The following LSAMP variants were observed in gnomAD, a reference collection of about 807,000 sequenced individuals.
LSAMP encodes limbic system-associated membrane protein.
A neutral mutation model predicts 38.6 loss-of-function variants in LSAMP; 7 were observed. That is an observed-to-expected ratio of 0.18 (90% CI 0.10 to 0.34). The LOEUF (loss-of-function observed/expected upper bound fraction) is 0.34, where lower values mean the gene tolerates loss of function less well. Among genes scored for constraint, LSAMP ranks in the 10% least tolerant of loss-of-function variants. LSAMP has a pLI of 1.00. For missense variants in LSAMP, 313 were observed against 420.0 expected (o/e 0.75, Z 2.23); for synonymous variants, 154 against 166.8 (o/e 0.92, Z 0.59).
chr3:116,203,397 A>AT (rs1553713091), intron 1 of LSAMP, among the ~76,000 whole-genome samples: 3 of 114,270 alleles, frequency 2.6e-5, no homozygotes, highest in African/African-American at 9.0e-5. Context: ...TTATTTATTT[A>AT]TTTTTTATTT....
At chr3:116,056,232 A>G (rs1941488286) in intron 2 of LSAMP, among the ~76,000 whole-genome samples, 5 of 152,206 alleles carry the variant, frequency 3.3e-5, no homozygotes, top group Admixed American at 3.3e-4. Context: ...GTTAGTATGC[A>G]TAATGTTCTG....
intron 2 of LSAMP, among the ~76,000 whole-genome samples, chr3:116,039,117 T>C (rs1383443031): frequency 6.6e-6 from 1 of 152,218 alleles, no homozygotes; most frequent in African/African-American, 2.4e-5. Flanking sequence ...ACTGGAAGCA[T>C]CTTTCAGGGT....
rs1056192395 is a variant in LSAMP at position 116,203,901 on chromosome 3, C to T, written c.156-117345G>A. On this transcript the variant is annotated intron_variant, in intron 1 of 6. Transcript: ENST00000490035. ...TTTATAGCAGCATGATTTAGACTCCCTTGGGTATATACCCAGTAATGGGAT... is the reference window on the plus strand; with the variant it reads ...TTTATAGCAGCATGATTTAGACTCCTTTGGGTATATACCCAGTAATGGGAT... Among the ~76,000 whole-genome samples the T allele has an allele frequency of 4.3e-3, 662 of 152,214 alleles. 7 individuals are homozygous for T. The highest frequency in any genetic ancestry group is 0.015 in the African/African-American group (624 of 41,538).
At chr3:116,312,808 C>T (rs2047574857) in intron 1 of LSAMP, among the ~76,000 whole-genome samples, 1 of 152,124 alleles carries the variant, frequency 6.6e-6, no homozygotes, top group Admixed American at 6.6e-5. Context: ...TTCAAATGTT[C>T]CAAAAAATCC....
chr3:116,258,445 T>C (rs532898215), intron 1 of LSAMP, among the ~76,000 whole-genome samples: 1 of 152,072 alleles, frequency 6.6e-6, no homozygotes, highest in Non-Finnish European at 1.5e-5. Context: ...TAGGCTAGTA[T>C]ATTAGAAACC....
chr3:116,070,572 C>A (rs149922101), intron 2 of LSAMP, among the ~76,000 whole-genome samples: 66 of 152,174 alleles, frequency 4.3e-4, no homozygotes, highest in African/African-American at 1.3e-3. Context: ...TTTAAGTGTT[C>A]TTTTTTAAAA....
intron 2 of LSAMP, among the ~76,000 whole-genome samples, chr3:116,030,339 G>A (rs1453616307): frequency 6.6e-6 from 1 of 152,084 alleles, no homozygotes; most frequent in African/African-American, 2.4e-5. Context: ...TCCCATGGAC[G>A]GGTCATTGCC....
chr3:115,813,604 T>C (rs1044732447), intron 6 of LSAMP, among the ~76,000 whole-genome samples: 11 of 152,184 alleles, frequency 7.2e-5, no homozygotes, highest in Non-Finnish European at 1.0e-4. Flanking sequence ...AGTGTACTTA[T>C]ATGACTTACT....
At chr3:116,023,166 G>C (rs1487217872) in intron 2 of LSAMP, among the ~76,000 whole-genome samples, 8 of 143,636 alleles carry the variant, frequency 5.6e-5, no homozygotes, top group South Asian at 4.4e-4. Context: ...ATGTGTGTGT[G>C]TCTCTCTCTC....
At chr3:116,175,480 AT>A (rs1311527699) in intron 1 of LSAMP, among the ~76,000 whole-genome samples, 2 of 152,034 alleles carry the variant, frequency 1.3e-5, no homozygotes, top group Non-Finnish European at 2.9e-5. Flanking sequence ...ACTATAACTT[AT>A]TTGTCCTATC....
chr3:115,892,109 G>A (rs1401459604), intron 3 of LSAMP, among the ~76,000 whole-genome samples: 1 of 151,826 alleles, frequency 6.6e-6, no homozygotes, highest in Non-Finnish European at 1.5e-5. Context: ...GTCAGAAGCT[G>A]GTCAATGAAA....
chr3:116,391,875 G>A (rs1258128287), intron 1 of LSAMP, among the ~76,000 whole-genome samples: 2 of 152,018 alleles, frequency 1.3e-5, no homozygotes, highest in African/African-American at 4.8e-5. Flanking sequence ...CTGGGAAGAG[G>A]TTCTCTGCCA....
At chr3:115,931,502 G>A (rs1937580197) in intron 3 of LSAMP, among the ~76,000 whole-genome samples, 1 of 152,138 alleles carries the variant, frequency 6.6e-6, no homozygotes, top group South Asian at 2.1e-4. Flanking sequence ...GAGGCACAGG[G>A]TCAGACTGCA....
chr3:116,342,367 G>A (rs1044386982), intron 1 of LSAMP, among the ~76,000 whole-genome samples: 8 of 151,934 alleles, frequency 5.3e-5, no homozygotes, highest in Admixed American at 4.6e-4. Context: ...TCAATCTCTA[G>A]GAACTTTCCT....
At chr3:116,124,272 A>G (rs911241816) in intron 1 of LSAMP, among the ~76,000 whole-genome samples, 1 of 152,178 alleles carries the variant, frequency 6.6e-6, no homozygotes, top group African/African-American at 2.4e-5. Flanking sequence ...TGAATAGAAG[A>G]CCTACCATTC....
chr3:115,918,108 C>T (rs1436369901), intron 3 of LSAMP, among the ~76,000 whole-genome samples: 1 of 152,148 alleles, frequency 6.6e-6, no homozygotes, highest in Non-Finnish European at 1.5e-5. Context: ...CCCTCTGATC[C>T]TTCAGGTCAC....
chr3:116,167,830 T>C (rs1393539404), intron 1 of LSAMP, among the ~76,000 whole-genome samples: 3 of 152,130 alleles, frequency 2.0e-5, no homozygotes, highest in Non-Finnish European at 4.4e-5. Flanking sequence ...AGGGCAGAGA[T>C]AAATCTGTGT....
At chr3:115,953,617 T>C (rs1938363799) in intron 3 of LSAMP, among the ~76,000 whole-genome samples, 1 of 152,138 alleles carries the variant, frequency 6.6e-6, no homozygotes, top group Admixed American at 6.5e-5. Context: ...GCCATTAACG[T>C]GATCTGAAGA....
chr3:115,886,622 A>G (rs1936460873), intron 3 of LSAMP, among the ~76,000 whole-genome samples: 1 of 151,908 alleles, frequency 6.6e-6, no homozygotes, highest in South Asian at 2.1e-4. Context: ...TGGTGCTTTC[A>G]CTTCTGACTT....
Sources: allele counts gnomAD v4.1 joint callset (sites outside exome capture counted in the v4.1 genomes callset), GRCh38; gene constraint gnomAD v4.1.1; transcripts MANE v1.5; gene names NCBI Gene and HGNC (gene_info 2026-07-23, HGNC 2026-07-21).